Variants in ALK observed in about 807,000 individuals in gnomAD.
The protein encoded by ALK is ALK tyrosine kinase receptor.
In ALK, 74 loss-of-function variants were observed where a neutral mutation model predicts 163.1. The observed-to-expected ratio is 0.45, with a 90% CI of 0.38 to 0.55. ALK has a LOEUF of 0.55. ALK is among the 20% of genes least tolerant of loss of function. ALK has a pLI of 0.00. For missense variants in ALK, 2,063 were observed against 2,105.3 expected (o/e 0.98, Z 0.39); for synonymous variants, 960 against 843.2 (o/e 1.14, Z -2.40).
rs189685593 is a variant in ALK, at chr2:29,454,735, T to G, written c.1155-70876A>C. On this transcript the variant is annotated intron_variant, in intron 4 of 28. Transcript: ENST00000389048. ...CTTAATTTTGAGATAGTTTTATATT[T>G]AAATAAAAGTTGCAAAAATAGTACA... 3.3e-3 allele frequency among the ~76,000 whole-genome samples: 505 copies of G among 152,266 alleles called. 5 individuals are homozygous for G. The highest frequency in any genetic ancestry group is 0.011 in the Admixed American group (161 of 15,296).
At chr2:29,779,209 C>G (rs1315123972) in intron 1 of ALK, among the ~76,000 whole-genome samples, 1 of 151,946 alleles carries the variant, frequency 6.6e-6, no homozygotes, top group Non-Finnish European at 1.5e-5. Context: ...GGTGGTTTTA[C>G]TAGGCCTCTA....
In ALK at chr2:29,214,043, G is replaced by A. The variant is rs763332339; in HGVS notation, c.3684C>T (p.His1228=). 15 of 1,613,946 alleles carry A rather than the reference G, an allele frequency of 9.3e-6. No homozygotes were observed. Among genetic ancestry groups the A allele is most frequent in the Admixed American group, 5.0e-5 (3 of 60,006 alleles). ...PSSLAMLDLL[H]VARDIACGCQ... ...AGCCACAGGCAATGTCCCGAGCCAC[G>A]TGCAGAAGGTCCAGCATGGCCAGGG... The change falls in exon 24 of 29, where the codon CAC becomes CAT. Residue 1228 remains histidine (H), a synonymous_variant. Coordinates refer to ENST00000389048, the MANE Select transcript of ALK (RefSeq NM_004304.5).
chr2:29,384,307 G>A (rs575458440), intron 4 of ALK, among the ~76,000 whole-genome samples: 1 of 152,102 alleles, frequency 6.6e-6, no homozygotes, highest in African/African-American at 2.4e-5. Context: ...AGAAAGTCTC[G>A]GAACCCTCAG....
At chr2:29,240,366 T>C (rs1664494077) in intron 12 of ALK, among the ~76,000 whole-genome samples, 3 of 152,176 alleles carry the variant, frequency 2.0e-5, no homozygotes, top group Admixed American at 6.5e-5. Flanking sequence ...ACATGTGCTA[T>C]GAGGATTAAA....
intron 1 of ALK, among the ~76,000 whole-genome samples, chr2:29,854,489 T>C (rs1666088291): frequency 6.6e-6 from 1 of 152,202 alleles, no homozygotes; most frequent in African/African-American, 2.4e-5. Context: ...GATTGTAGGC[T>C]GAGGCTTCCT....
intron 3 of ALK, among the ~76,000 whole-genome samples, chr2:29,667,557 T>C (rs916394612): frequency 2.6e-4 from 39 of 152,114 alleles, no homozygotes; most frequent in African/African-American, 9.4e-4. Context: ...GCTTTCTTGG[T>C]GGAGTCCTCA....
intron 3 of ALK, among the ~76,000 whole-genome samples, chr2:29,688,930 T>G (rs1359014731): frequency 6.6e-6 from 1 of 152,172 alleles, no homozygotes; most frequent in Non-Finnish European, 1.5e-5. Flanking sequence ...ACTTGAAGCC[T>G]GCACTAGCAC....
intron 1 of ALK, among the ~76,000 whole-genome samples, chr2:29,836,864 T>G (rs561846612): frequency 4.6e-5 from 7 of 152,370 alleles, no homozygotes; most frequent in Admixed American, 4.6e-4. Context: ...CAAAATGAAC[T>G]GACAGCATTA....
chr2:29,505,007 G>A (rs1162402277), intron 4 of ALK, among the ~76,000 whole-genome samples: 1 of 152,182 alleles, frequency 6.6e-6, no homozygotes. Flanking sequence ...GTGGGGCAGA[G>A]ACCCCAGACT....
At chr2:29,900,899 T>C (rs1411467670) in intron 1 of ALK, among the ~76,000 whole-genome samples, 4 of 151,974 alleles carry the variant, frequency 2.6e-5, no homozygotes, top group South Asian at 2.1e-4. Flanking sequence ...GAGGAGTAGA[T>C]AGATATGAGA....
rs988826546 is a variant in ALK at position 29,477,919 on chromosome 2, G to A, written c.1154+53996C>T. On this transcript the variant is annotated intron_variant, in intron 4 of 28. Transcript: ENST00000389048. The stretch of plus-strand genomic sequence containing the variant: ...AGGTGCTGTGTAGGAGCCTATAGGC[G>A]AAGCAAGGAAGGCACTTCTGCCAGC... Among the ~76,000 whole-genome samples the A allele has an allele frequency of 1.3e-5, 2 of 152,206 alleles. 1 individual carries two copies. Among genetic ancestry groups the A allele is most frequent in the African/African-American group, 4.8e-5 (2 of 41,448 alleles).
At chr2:29,532,185 G>C in intron 3 of ALK, 69 bp from the exon 4 acceptor site, 2 of 1,435,676 alleles carry the variant, frequency 1.4e-6, no homozygotes, top group Non-Finnish European at 9.7e-7. Context: ...TCTGTGGCAA[G>C]ACTTAGAGAC....
At chr2:29,491,534 C>T (rs1335342609) in intron 4 of ALK, among the ~76,000 whole-genome samples, 4 of 152,104 alleles carry the variant, frequency 2.6e-5, no homozygotes, top group African/African-American at 4.8e-5. Context: ...GACCTGACAA[C>T]GGAGCTTTGA....
chr2:29,748,288 C>T (rs1680258683), intron 1 of ALK, among the ~76,000 whole-genome samples: 1 of 152,168 alleles, frequency 6.6e-6, no homozygotes, highest in Non-Finnish European at 1.5e-5. Context: ...TTTAAGAGCC[C>T]TTGGTCTACC....
chr2:29,751,824 C>T lies in ALK; in HGVS notation c.668-34127G>A, dbSNP rs1054654090. On this transcript the variant is annotated intron_variant, in intron 1 of 28. Coordinates refer to ENST00000389048, the MANE Select transcript of ALK (RefSeq NM_004304.5). ...CAGTTCCCAGCTCAAGTATTCTGTCCTCTTGTTCAACCAATAAGTACTAAT... is the reference window on the plus strand; with the variant it reads ...CAGTTCCCAGCTCAAGTATTCTGTCTTCTTGTTCAACCAATAAGTACTAAT... 4.1e-4 allele frequency among the ~76,000 whole-genome samples: 62 copies of T among 152,166 alleles called. 1 individual carries two copies. Among genetic ancestry groups the T allele is most frequent in the African/African-American group, 1.5e-3 (62 of 41,446 alleles).
At chr2:29,913,712 G>A (rs1277686140) in intron 1 of ALK, among the ~76,000 whole-genome samples, 1 of 152,052 alleles carries the variant, frequency 6.6e-6, no homozygotes, top group Non-Finnish European at 1.5e-5. Flanking sequence ...TCTTTTTTTA[G>A]ATTGAGGGAT....
intron 4 of ALK, among the ~76,000 whole-genome samples, chr2:29,454,106 C>G (rs1013658631): frequency 6.6e-6 from 1 of 152,138 alleles, no homozygotes; most frequent in Non-Finnish European, 1.5e-5. Flanking sequence ...ATATGTGAGT[C>G]TCTACAGACT....
In ALK at chr2:29,348,452, T is replaced by C. The variant is rs559067818; in HGVS notation, c.1283-19971A>G. On this transcript the variant is annotated intron_variant, in intron 5 of 28. Transcript: ENST00000389048. Reference sequence around the variant, plus strand: ...TCTACAACTTGGACAAACAGGTTGGTAGGAAGCGAGGTGAGAAGCTGGCCT... The same window carrying C: ...TCTACAACTTGGACAAACAGGTTGGCAGGAAGCGAGGTGAGAAGCTGGCCT... 3.9e-5 allele frequency among the ~76,000 whole-genome samples: 6 copies of C among 152,280 alleles called. No homozygotes were observed. The East Asian group carries it at 1.2e-3, about 29-fold the overall frequency.
intron 1 of ALK, among the ~76,000 whole-genome samples, chr2:29,903,603 T>C (rs541164885): frequency 2.0e-5 from 3 of 152,194 alleles, no homozygotes; most frequent in Non-Finnish European, 4.4e-5. Flanking sequence ...GTTCACACAA[T>C]TGGCTATAAT....
Sources: allele counts gnomAD v4.1 joint callset (sites outside exome capture counted in the v4.1 genomes callset), GRCh38; gene constraint gnomAD v4.1.1; transcripts MANE v1.5; gene names NCBI Gene and HGNC (gene_info 2026-07-23, HGNC 2026-07-21).